Variants in DNMT1 observed in about 807,000 individuals in gnomAD.
DNMT1 encodes the protein DNA (cytosine-5)-methyltransferase 1.
DNMT1 carries 24 observed loss-of-function variants against 205.3 expected under a neutral mutation model. That is an observed-to-expected ratio of 0.12 (90% CI 0.08 to 0.16). The LOEUF (loss-of-function observed/expected upper bound fraction) is 0.16, where lower values mean the gene tolerates loss of function less well. Ranked by LOEUF, DNMT1 falls within the 10% of genes least tolerant of loss-of-function variation. DNMT1 has a pLI of 1.00. For synonymous variants in DNMT1, 817 were observed against 839.8 expected (o/e 0.97, Z 0.47); for missense variants, 1,293 against 2,177.7 (o/e 0.59, Z 8.09).
chr19:10,173,216 G>A (rs772381056), intron 8 of DNMT1, 42 bp from the exon 9 acceptor site: 35 of 1,605,220 alleles, frequency 2.2e-5, no homozygotes, highest in Middle Eastern at 1.7e-4. Flanking sequence ...TGAGTGCCAG[G>A]AGCTTCCCCA....
At chr19:10,161,753 T>C (rs1023542422) in intron 13 of DNMT1, among the ~76,000 whole-genome samples, 4 of 152,214 alleles carry the variant, frequency 2.6e-5, no homozygotes, top group Non-Finnish European at 5.9e-5. Flanking sequence ...GCTATGTGAC[T>C]GTATTTGGAT....
Position 10,180,413 on chromosome 19 carries a change from G to T in DNMT1, c.382C>A (p.Pro128Thr), listed in dbSNP as rs146601335. 437 of 1,613,924 alleles carry T rather than the reference G, an allele frequency of 2.7e-4. No individual in the cohort carries two copies. Among genetic ancestry groups the T allele is most frequent in the Non-Finnish European group, 3.4e-4 (403 of 1,180,042 alleles). The change falls in exon 4 of 41, where the codon CCC (proline) becomes ACC (threonine). Residue 128 changes from proline (P) to threonine (T), a missense_variant. Coordinates refer to ENST00000359526, the MANE Select transcript of DNMT1 (RefSeq NM_001130823.3). ...RRVGMADANSPPKPLSKPRTP... is the reference protein window; with the variant it reads ...RRVGMADANSTPKPLSKPRTP... ...CGAGGTTTGGAAAGGGGTTTGGGGGGGCTGTTGGCATCTGCCATTCCCACT... is the reference window on the plus strand; with the variant it reads ...CGAGGTTTGGAAAGGGGTTTGGGGGTGCTGTTGGCATCTGCCATTCCCACT...
At chr19:10,173,702 G>T (rs2038874120) in intron 8 of DNMT1, among the ~76,000 whole-genome samples, 169 bp downstream of exon 8, 1 of 151,998 alleles carries the variant, frequency 6.6e-6, no homozygotes, top group African/African-American at 2.4e-5. Flanking sequence ...ATGTTGGTCA[G>T]GCTGGTCTTG....
intron 11 of DNMT1, 89 bp from the exon 12 acceptor site, chr19:10,163,449 G>A: frequency 7.2e-7 from 1 of 1,385,594 alleles, no homozygotes; most frequent in East Asian, 2.3e-5. Flanking sequence ...AAACACTGAA[G>A]TTACAGGTTA....
At chr19:10,187,362 G>A (rs986669296) in intron 1 of DNMT1, among the ~76,000 whole-genome samples, 1 of 152,080 alleles carries the variant, frequency 6.6e-6, no homozygotes, top group Non-Finnish European at 1.5e-5. Context: ...TCTACACTCG[G>A]GAAGCCAGGA....
Position 10,194,873 on chromosome 19 carries a change from C to T in DNMT1, c.27G>A (p.Arg9=), listed in dbSNP as rs1357432485. 1.9e-5 allele frequency: 30 copies of T among 1,611,078 alleles called. No individual in the cohort carries two copies. Among genetic ancestry groups the T allele is most frequent in the Non-Finnish European group, 2.5e-5 (29 of 1,179,096 alleles). The change falls in exon 1 of 41, where the codon CGG becomes CGA. Residue 9 remains arginine, a synonymous_variant. Transcript: ENST00000359526. MPARTAPA[R]VPTLAVPAIS... The stretch of plus-strand genomic sequence containing the variant: ...TGGCCGGGACGGCCAGTGTGGGCAC[C>T]CGGGCTGGGGCGGTACGCGCCGGCA...
At chr19:10,174,688 A>AATTC (rs1434201007) in intron 7 of DNMT1, among the ~76,000 whole-genome samples, 1 of 151,696 alleles carries the variant, frequency 6.6e-6, no homozygotes, top group African/African-American at 2.4e-5. Flanking sequence ...TCCTGAGTGA[A>AATTC]AGAGTGAGAC....
chr19:10,177,048 AGAT>A (rs1223552812), intron 6 of DNMT1, among the ~76,000 whole-genome samples: 1 of 152,140 alleles, frequency 6.6e-6, no homozygotes, highest in African/African-American at 2.4e-5. Context: ...TGTTGGCACT[AGAT>A]GATGGGTATT....
At chr19:10,164,458 TAA>T (rs2145334562) in intron 11 of DNMT1, among the ~76,000 whole-genome samples, 1 of 152,212 alleles carries the variant, frequency 6.6e-6, no homozygotes, top group Non-Finnish European at 1.5e-5. Context: ...AAAATAAGTT[TAA>T]AAAGTAGACA....
chr19:10,183,033 A>G (rs1263383678), intron 1 of DNMT1, among the ~76,000 whole-genome samples: 2 of 146,616 alleles, frequency 1.4e-5, no homozygotes, highest in East Asian at 2.2e-4. Context: ...ATGTGTATAT[A>G]TACGTATATA....
intron 10 of DNMT1, among the ~76,000 whole-genome samples, chr19:10,167,121 T>G (rs1190159109): frequency 6.6e-6 from 1 of 152,086 alleles, no homozygotes; most frequent in Non-Finnish European, 1.5e-5. Flanking sequence ...GCCGCTCAGG[T>G]GGGGTATTCT....
At chr19:10,135,625 G>T in intron 39 of DNMT1, 111 bp downstream of exon 39, 2 of 1,157,756 alleles carry the variant, frequency 1.7e-6, no homozygotes, top group Non-Finnish European at 2.5e-6. Flanking sequence ...GGGGCTACCC[G>T]GCAGCCAGCA....
chr19:10,181,926 G>T, intron 2 of DNMT1, 115 bp downstream of exon 2: 2 of 887,388 alleles, frequency 2.3e-6, no homozygotes, highest in South Asian at 3.0e-5. Flanking sequence ...AATTATCTTT[G>T]AAACTCCATG....
chr19:10,186,058 G>A (rs1015119216), intron 1 of DNMT1, among the ~76,000 whole-genome samples: 2 of 152,090 alleles, frequency 1.3e-5, no homozygotes, highest in African/African-American at 4.8e-5. Context: ...TGAGAAAACT[G>A]GAAGGACATG....
chr19:10,143,081 A>G (rs1035425293), intron 29 of DNMT1, among the ~76,000 whole-genome samples: 2 of 152,268 alleles, frequency 1.3e-5, no homozygotes, highest in Non-Finnish European at 2.9e-5. Flanking sequence ...AAGAAAACGT[A>G]ATAGGCCAAA....
At position 10,194,919 on chromosome 19, in the gene DNMT1, G is replaced by C. The variant is rs778120546; in HGVS notation, c.-20C>G. Reference sequence around the variant, plus strand: ...CGGCATCTCGGAGGCTTCAGCAGACGCGGCGGCGGCAGCGCAGGCGCCCCG... The same window carrying C: ...CGGCATCTCGGAGGCTTCAGCAGACCCGGCGGCGGCAGCGCAGGCGCCCCG... On this transcript the variant is annotated 5_prime_UTR_variant, in exon 1 of 41. Coordinates refer to ENST00000359526, the MANE Select transcript of DNMT1 (RefSeq NM_001130823.3). 13 of 1,597,282 alleles carry C rather than the reference G, an allele frequency of 8.1e-6. No individual in the cohort carries two copies. Among genetic ancestry groups the C allele is most frequent in the East Asian group, 2.3e-5 (1 of 44,342 alleles).
chr19:10,141,240 C>G (rs369106413), intron 30 of DNMT1, 51 bp from the exon 31 acceptor site: 51 of 1,585,180 alleles, frequency 3.2e-5, no homozygotes, highest in African/African-American at 1.5e-4. Flanking sequence ...ACTGTCCCCT[C>G]TCTAACGCAG....
At position 10,160,037 on chromosome 19, in the gene DNMT1, T is replaced by G; in HGVS notation, c.1070A>C (p.Lys357Thr). The G allele has an allele frequency of 1.9e-6, 3 of 1,612,180 alleles. No homozygotes were observed. The highest frequency in any genetic ancestry group is 2.5e-6 in the Non-Finnish European group (3 of 1,179,820). The stretch of plus-strand genomic sequence containing the variant: ...GTTTACCTTGGAGTTCATGACTGTT[T>G]TGGCGCGAGCCATTTTTTTCTCCGT... ...EPTEKKMARA[K>T]TVMNSKTHPP... Residue 357 changes from lysine to threonine, a missense_variant, in exon 15 of 41, where the codon AAA becomes ACA. Coordinates refer to ENST00000359526, the MANE Select transcript of DNMT1 (RefSeq NM_001130823.3).
intron 7 of DNMT1, among the ~76,000 whole-genome samples, chr19:10,174,733 C>CA (rs201005032): frequency 4.0e-4 from 60 of 148,470 alleles, no homozygotes; most frequent in Middle Eastern, 3.4e-3. Context: ...ACAACAACAA[C>CA]AACAAAAAAA....
Sources: allele counts gnomAD v4.1 joint callset (sites outside exome capture counted in the v4.1 genomes callset), GRCh38; gene constraint gnomAD v4.1.1; transcripts MANE v1.5; gene names NCBI Gene and HGNC (gene_info 2026-07-23, HGNC 2026-07-21).